The following SAMD3 variants were observed in gnomAD, a reference collection of about 807,000 sequenced individuals.
SAMD3 encodes sterile alpha motif domain containing 3.
In SAMD3, 63 loss-of-function variants were observed where a neutral mutation model predicts 58.5. The observed-to-expected ratio is 1.08, with a 90% CI of 0.88 to 1.33. The LOEUF is 1.33. SAMD3 is among the 40% of genes most tolerant of loss of function. SAMD3 has a pLI of 0.00. For synonymous variants in SAMD3, 220 were observed against 210.3 expected (o/e 1.05, Z -0.40); for missense variants, 604 against 608.4 (o/e 0.99, Z 0.08).
intron 8 of SAMD3, among the ~76,000 whole-genome samples, chr6:130,155,412 T>A (rs1375359941): frequency 6.6e-6 from 1 of 152,222 alleles, no homozygotes; most frequent in African/African-American, 2.4e-5. Flanking sequence ...ACTATTATCT[T>A]TTTTCTTTTT....
intron 5 of SAMD3, among the ~76,000 whole-genome samples, chr6:130,189,526 C>G (rs1043683021): frequency 7.2e-5 from 11 of 152,186 alleles, no homozygotes; most frequent in African/African-American, 2.2e-4. Context: ...TTACTGTACC[C>G]GTTTCTGTTA....
chr6:130,311,804 C>T (rs1027853206), intron 2 of SAMD3, among the ~76,000 whole-genome samples: 1 of 152,140 alleles, frequency 6.6e-6, no homozygotes, highest in Non-Finnish European at 1.5e-5. Flanking sequence ...GAGGACCTTC[C>T]ACACAGGGTC....
chr6:130,154,789 T>C lies in SAMD3; in HGVS notation c.1023+36A>G, dbSNP rs367928069. 6.7e-4 allele frequency: 769 copies of C among 1,155,664 alleles called. 2 individuals are homozygous for C. Among genetic ancestry groups the C allele is most frequent in the Non-Finnish European group, 9.4e-4 (736 of 785,458 alleles). The allele number at this position is 1,155,664 out of a possible 1,614,324, so 71.6% of individuals were successfully genotyped here. On this transcript the variant is annotated intron_variant, in intron 9 of 11. Transcript: ENST00000439090. ...ATATGTGTGTGTGTGTATATACATA[T>C]ATATGTGTGTGTATATATATATAGA...
chr6:130,276,216 T>A (rs1774770925), intron 2 of SAMD3, among the ~76,000 whole-genome samples: 1 of 152,154 alleles, frequency 6.6e-6, no homozygotes, highest in African/African-American at 2.4e-5. Flanking sequence ...TCCCCTAGAA[T>A]CTACAGAAGG....
chr6:130,325,793 G>A (rs1176144640), intron 1 of SAMD3, among the ~76,000 whole-genome samples: 1 of 152,138 alleles, frequency 6.6e-6, no homozygotes, highest in Non-Finnish European at 1.5e-5. Context: ...TGAGTTCAAT[G>A]TACCCGTTCC....
intron 2 of SAMD3, among the ~76,000 whole-genome samples, chr6:130,304,786 A>G (rs1465458987): frequency 6.6e-6 from 1 of 152,142 alleles, no homozygotes; most frequent in Non-Finnish European, 1.5e-5. Flanking sequence ...GTCTTTCTAA[A>G]AAGATGGCGT....
chr6:130,224,422 C>A (rs1449964779), upstream of SAMD3, among the ~76,000 whole-genome samples: 1 of 151,076 alleles, frequency 6.6e-6, no homozygotes, highest in Non-Finnish European at 1.5e-5. Context: ...CTTCCCTGCC[C>A]GCCTCCCGTA....
intron 2 of SAMD3, among the ~76,000 whole-genome samples, chr6:130,253,385 C>T (rs1225011535): frequency 6.6e-6 from 1 of 151,912 alleles, no homozygotes; most frequent in African/African-American, 2.4e-5. Flanking sequence ...TGAGCTACTA[C>T]CTAAAATTCT....
At chr6:130,151,945 A>G (rs1470312421) in intron 9 of SAMD3, among the ~76,000 whole-genome samples, 3 of 152,240 alleles carry the variant, frequency 2.0e-5, no homozygotes, top group Non-Finnish European at 4.4e-5. Flanking sequence ...CATCCAGTAG[A>G]TCCCAGTAAC....
intron 1 of SAMD3, among the ~76,000 whole-genome samples, chr6:130,359,886 G>C (rs186437942): frequency 5.2e-4 from 79 of 152,314 alleles, no homozygotes; most frequent in African/African-American, 1.8e-3. Flanking sequence ...CTTGGGACCT[G>C]TAAAGCACTC....
At chr6:130,194,874 T>A (rs1328740309) in intron 5 of SAMD3, among the ~76,000 whole-genome samples, 3 of 152,134 alleles carry the variant, frequency 2.0e-5, no homozygotes, top group East Asian at 1.9e-4. Context: ...TCTAGGTAAC[T>A]CTCACAGTGG....
chr6:130,346,800 C>G (rs1777468485), intron 1 of SAMD3, among the ~76,000 whole-genome samples: 1 of 152,206 alleles, frequency 6.6e-6, no homozygotes, highest in African/African-American at 2.4e-5. Context: ...GTCCCTGACC[C>G]CTGAGTAGCT....
chr6:130,187,333 G>A (rs758118170), intron 5 of SAMD3, among the ~76,000 whole-genome samples: 36 of 151,606 alleles, frequency 2.4e-4, no homozygotes, highest in African/African-American at 3.6e-4. Context: ...GTGTCGGGGC[G>A]GAGACTATAC....
At chr6:130,214,591 G>A (rs1795872612) in intron 3 of SAMD3, 65 bp from the exon 4 acceptor site, 1 of 1,197,350 alleles carries the variant, frequency 8.4e-7, no homozygotes, top group Non-Finnish European at 1.1e-6. Context: ...ATTCTGAAGA[G>A]GCAAAATTAC....
chr6:130,165,084 A>G (rs1300240189), intron 8 of SAMD3, among the ~76,000 whole-genome samples: 1 of 152,206 alleles, frequency 6.6e-6, no homozygotes, highest in Non-Finnish European at 1.5e-5. Context: ...AACTACTAGA[A>G]AGATGATAAA....
intron 1 of SAMD3, among the ~76,000 whole-genome samples, chr6:130,319,383 T>A (rs1213425269): frequency 6.6e-6 from 1 of 150,652 alleles, no homozygotes; most frequent in Non-Finnish European, 1.5e-5. Flanking sequence ...AAAAGAAAAA[T>A]TTAAAAGCCC....
At chr6:130,318,338 A>G (rs62431437) in intron 1 of SAMD3, among the ~76,000 whole-genome samples, 5,546 of 152,312 alleles carry the variant, frequency 0.036, 132 homozygotes, top group Non-Finnish European at 0.054. Context: ...CTCCCATAAC[A>G]AAGCTCAAGA....
At chr6:130,162,064 T>A in intron 8 of SAMD3, 1 of 513,036 alleles carries the variant, frequency 1.9e-6, no homozygotes, top group Non-Finnish European at 3.4e-6. Flanking sequence ...TGTGTGACTT[T>A]AGAGGAATCA....
intron 2 of SAMD3, among the ~76,000 whole-genome samples, chr6:130,288,239 G>A (rs1006747001): frequency 2.6e-5 from 4 of 152,182 alleles, no homozygotes; most frequent in Non-Finnish European, 5.9e-5. Context: ...TATTGTGGGG[G>A]CTGGCAAGTC....
Sources: allele counts gnomAD v4.1 joint callset (sites outside exome capture counted in the v4.1 genomes callset), GRCh38; gene constraint gnomAD v4.1.1; transcripts MANE v1.5; gene names NCBI Gene and HGNC (gene_info 2026-07-23, HGNC 2026-07-21).